The following LAMC1 variants were observed in gnomAD, a reference collection of about 807,000 sequenced individuals.
The protein encoded by LAMC1 is laminin subunit gamma-1.
A neutral mutation model predicts 173.6 loss-of-function variants in LAMC1; 38 were observed. The ratio of observed to expected loss-of-function variants is 0.22; its 90% CI spans 0.17 to 0.29. The LOEUF is 0.29. LAMC1 is among the 10% of genes least tolerant of loss of function. The pLI is 1.00. For missense variants in LAMC1, 1,824 were observed against 2,051.8 expected (o/e 0.89, Z 2.14); for synonymous variants, 746 against 749.1 (o/e 1.00, Z 0.07).
In LAMC1 at chr1:183,142,962, T is replaced by C; in HGVS notation, c.*172T>C. The C allele has an allele frequency of 1.5e-6, 1 of 649,444 alleles. No individual in the cohort carries two copies. 40.2% of individuals were successfully genotyped at this position (649,444 alleles called of 1,614,324 possible). ...AGTTTAAAGAGAAGCAAATTAAACA[T>C]CCTGAATCGGGAACAAAGGGTTTTA... On this transcript the variant is annotated 3_prime_UTR_variant, in exon 28 of 28. Transcript: ENST00000258341.
intron 1 of LAMC1, 114 bp from the exon 2 acceptor site, chr1:183,103,214 G>T (rs1342060024): frequency 1.0e-6 from 1 of 956,768 alleles, no homozygotes; most frequent in Non-Finnish European, 1.6e-6. Flanking sequence ...TTCTTGGTTT[G>T]ATGTGTACAA....
At chr1:183,090,574 C>T (rs1171989393) in intron 1 of LAMC1, among the ~76,000 whole-genome samples, 3 of 152,188 alleles carry the variant, frequency 2.0e-5, no homozygotes, top group African/African-American at 7.2e-5. Context: ...GTAAATTGTC[C>T]ATCCGCTCAG....
At chr1:183,133,083 G>C (rs1656843219) in intron 21 of LAMC1, among the ~76,000 whole-genome samples, 1 of 151,916 alleles carries the variant, frequency 6.6e-6, no homozygotes, top group South Asian at 2.1e-4. Context: ...GCTAATTTTT[G>C]TATTTTCAGT....
chr1:183,129,147 G>A (rs1327145465), intron 18 of LAMC1, among the ~76,000 whole-genome samples: 2 of 140,164 alleles, frequency 1.4e-5, no homozygotes, highest in East Asian at 2.1e-4. Flanking sequence ...GTGCAGTGGC[G>A]CGATCTTGGC....
chr1:183,074,153 T>C (rs1435938639), intron 1 of LAMC1, among the ~76,000 whole-genome samples: 1 of 152,232 alleles, frequency 6.6e-6, no homozygotes. Context: ...GAATACATAG[T>C]AACATTAGTC....
intron 1 of LAMC1, among the ~76,000 whole-genome samples, chr1:183,055,213 C>A (rs905853611): frequency 2.2e-4 from 34 of 151,968 alleles, no homozygotes; most frequent in African/African-American, 7.5e-4. Context: ...TGGTCTCGAA[C>A]TCCTGACCTC....
chr1:183,023,691 C>G lies in LAMC1; in HGVS notation c.-26C>G, dbSNP rs1399096953. On this transcript the variant is annotated 5_prime_UTR_variant, in exon 1 of 28. Coordinates refer to ENST00000258341, the MANE Select transcript of LAMC1 (RefSeq NM_002293.4). ...GAACGCGCCGGTGCCCTTGCCTTCG[C>G]CGTGACCCAGCGTGCGGGCGGCGGG... 1.7e-6 allele frequency: 2 copies of G among 1,167,486 alleles called. No individual in the cohort carries two copies. The highest frequency in any genetic ancestry group is 4.1e-5 in the East Asian group (1 of 24,316). 72.3% of individuals were successfully genotyped at this position (1,167,486 alleles called of 1,614,324 possible). A position where few individuals can be genotyped will look rare whatever the true frequency, so the allele number is the denominator to read the frequency against.
At chr1:183,112,230 T>C (rs1344749583) in intron 4 of LAMC1, among the ~76,000 whole-genome samples, 2 of 152,228 alleles carry the variant, frequency 1.3e-5, no homozygotes, top group Non-Finnish European at 2.9e-5. Flanking sequence ...CCTTCTTTAA[T>C]TCCATTACTG....
At chr1:183,083,703 A>C (rs1655348294) in intron 1 of LAMC1, among the ~76,000 whole-genome samples, 1 of 152,200 alleles carries the variant, frequency 6.6e-6, no homozygotes. Flanking sequence ...ATATTTATTC[A>C]TTTACATGTT....
chr1:183,142,593 G>T lies in LAMC1; in HGVS notation c.4633G>T (p.Ala1545Ser). ...LNEIEGTLNK[A>S]KDEMKVSDLD... ...CGAGATTGAAGGCACCCTAAACAAAGCCAAAGATGAAATGAAGGTCAGCGA... is the reference window on the plus strand; with the variant it reads ...CGAGATTGAAGGCACCCTAAACAAATCCAAAGATGAAATGAAGGTCAGCGA... The change falls in exon 28 of 28, where the codon GCC becomes TCC. Residue 1545 changes from alanine (A) to serine (S), a missense_variant. Transcript: ENST00000258341. 6.2e-7 allele frequency: 1 copy of T among 1,614,100 alleles called. No homozygotes were observed. Among genetic ancestry groups the T allele is most frequent in the Non-Finnish European group, 8.5e-7 (1 of 1,179,980 alleles).
At position 183,144,280 on chromosome 1, in the gene LAMC1, A is replaced by G. The variant is rs541268454; in HGVS notation, c.*1490A>G. On this transcript the variant is annotated 3_prime_UTR_variant, in exon 28 of 28. Coordinates refer to ENST00000258341, the MANE Select transcript of LAMC1 (RefSeq NM_002293.4). ...GTGCTATTAATTATTTCAAATTTAT[A>G]TTTTTGTGTGAATGTTTTGTGTTTT... 1.3e-5 allele frequency: 2 copies of G among 152,576 alleles called. No homozygotes were observed. Among genetic ancestry groups the G allele is most frequent in the Admixed American group, 6.5e-5 (1 of 15,272 alleles). 9.5% of individuals were successfully genotyped at this position (152,576 alleles called of 1,614,324 possible).
chr1:183,036,056 T>C (rs1160670409), intron 1 of LAMC1, among the ~76,000 whole-genome samples: 1 of 152,024 alleles, frequency 6.6e-6, no homozygotes. Context: ...TGTCCATGTT[T>C]CCTGGAAAAC....
chr1:183,029,980 A>G (rs775532708), intron 1 of LAMC1, among the ~76,000 whole-genome samples: 3 of 152,218 alleles, frequency 2.0e-5, no homozygotes, highest in Non-Finnish European at 4.4e-5. Flanking sequence ...TGGCCTTCTT[A>G]GCCAAGTCCA....
intron 1 of LAMC1, among the ~76,000 whole-genome samples, chr1:183,091,623 G>C (rs1250179180): frequency 6.6e-6 from 1 of 151,938 alleles, no homozygotes; most frequent in Non-Finnish European, 1.5e-5. Context: ...ATATTTCTAT[G>C]CTAGTCTGTA....
intron 1 of LAMC1, among the ~76,000 whole-genome samples, chr1:183,072,440 C>T (rs113302019): frequency 1.3e-5 from 2 of 152,152 alleles, no homozygotes; most frequent in Non-Finnish European, 2.9e-5. Flanking sequence ...CATTGTATTC[C>T]GTTTGCAAAG....
At chr1:183,140,849 G>A (rs900444643) in intron 27 of LAMC1, 1 of 158,474 alleles carries the variant, frequency 6.3e-6, no homozygotes, top group African/African-American at 2.4e-5. Context: ...GTAGAACACT[G>A]TGGTCTGAGG....
chr1:183,028,160 C>G (rs550264947), intron 1 of LAMC1, among the ~76,000 whole-genome samples: 24 of 152,018 alleles, frequency 1.6e-4, no homozygotes, highest in East Asian at 9.7e-4. Context: ...TCCTCCCCCC[C>G]CCCACCTCTT....
intron 11 of LAMC1, among the ~76,000 whole-genome samples, chr1:183,121,102 G>T (rs899444838): frequency 1.3e-5 from 2 of 152,042 alleles, no homozygotes; most frequent in African/African-American, 4.8e-5. Flanking sequence ...GCAAATCTAG[G>T]GGTACATGTG....
intron 1 of LAMC1, among the ~76,000 whole-genome samples, chr1:183,071,268 C>T (rs1571421507): frequency 6.6e-6 from 1 of 151,976 alleles, no homozygotes; most frequent in South Asian, 2.1e-4. Context: ...TTTGTCTACA[C>T]GTGGGTGGAG....
Sources: allele counts gnomAD v4.1 joint callset (sites outside exome capture counted in the v4.1 genomes callset), GRCh38; gene constraint gnomAD v4.1.1; transcripts MANE v1.5; gene names NCBI Gene and HGNC (gene_info 2026-07-23, HGNC 2026-07-21).